NRXN3: variants seen among roughly 807,000 people sequenced by gnomAD.
NRXN3 encodes the protein neurexin 3, also known as neurexin III.
In NRXN3, 32 loss-of-function variants were observed where a neutral mutation model predicts 137.6. That is an observed-to-expected ratio of 0.23 (90% CI 0.18 to 0.31). NRXN3 has a LOEUF of 0.31. Ranked by LOEUF, NRXN3 falls within the 10% of genes least tolerant of loss-of-function variation. The pLI, the probability that NRXN3 is intolerant of heterozygous loss-of-function variation, is 1.00. For missense variants in NRXN3, 1,574 were observed against 2,062.5 expected, an observed-to-expected ratio of 0.76 and a Z score of 4.59; for synonymous variants, 798 against 784.5, an observed-to-expected ratio of 1.02 and a Z score of -0.29.
intron 16 of NRXN3, among the ~76,000 whole-genome samples, chr14:79,563,425 T>C (rs1412895351): frequency 6.6e-6 from 1 of 152,068 alleles, no homozygotes; most frequent in Non-Finnish European, 1.5e-5. Context: ...CTTTTATGGG[T>C]ATCAGTTTTA....
intron 15 of NRXN3, among the ~76,000 whole-genome samples, chr14:79,051,015 C>T (rs1382994602): frequency 6.6e-6 from 1 of 152,124 alleles, no homozygotes; most frequent in Non-Finnish European, 1.5e-5. Context: ...TCACAATATC[C>T]TATGAGGGGA....
At chr14:78,368,503 C>A (rs904965787) in intron 4 of NRXN3, among the ~76,000 whole-genome samples, 5 of 152,114 alleles carry the variant, frequency 3.3e-5, no homozygotes, top group Non-Finnish European at 7.3e-5. Flanking sequence ...AACAGCCTGG[C>A]CAACATGGTG....
chr14:79,343,400 A>C (rs751349911), intron 15 of NRXN3, among the ~76,000 whole-genome samples: 11 of 152,208 alleles, frequency 7.2e-5, no homozygotes, highest in Non-Finnish European at 1.5e-4. Flanking sequence ...GGTTAGAAGC[A>C]AGATGGAGTC....
chr14:79,379,525 A>T (rs921801090), intron 15 of NRXN3, among the ~76,000 whole-genome samples: 5 of 151,832 alleles, frequency 3.3e-5, no homozygotes, highest in African/African-American at 9.7e-5. Context: ...GCAAGTGGAC[A>T]CTCTCGCTTG....
intron 4 of NRXN3, among the ~76,000 whole-genome samples, chr14:78,555,706 C>T (rs1429121568): frequency 1.3e-5 from 2 of 152,120 alleles, no homozygotes; most frequent in African/African-American, 4.8e-5. Context: ...TAGATGTAGG[C>T]ATGGAGCTAA....
At chr14:78,905,447 C>G (rs141841551) in intron 10 of NRXN3, among the ~76,000 whole-genome samples, 101 of 152,108 alleles carry the variant, frequency 6.6e-4, no homozygotes, top group African/African-American at 2.4e-3. Flanking sequence ...TTTCTCAGCA[C>G]CTGATATCAT....
chr14:79,476,554 C>T (rs1336554080), intron 16 of NRXN3, among the ~76,000 whole-genome samples: 1 of 152,080 alleles, frequency 6.6e-6, no homozygotes, highest in African/African-American at 2.4e-5. Flanking sequence ...ATTTTTCCTC[C>T]TCCATTTCTG....
chr14:79,527,996 G>T lies in NRXN3; in HGVS notation c.3444+60594G>T, dbSNP rs752163433. On this transcript the variant is annotated intron_variant, in intron 16 of 20. Coordinates refer to ENST00000335750, the MANE Select transcript of NRXN3 (RefSeq NM_001330195.2). The stretch of plus-strand genomic sequence containing the variant: ...GCATTTATTTCTATATCTTGCTGAT[G>T]GGGTTGATGGGGTTAGCAATTGCTA... 6.8e-4 allele frequency among the ~76,000 whole-genome samples: 103 copies of T among 152,222 alleles called. 1 individual carries two copies. The highest frequency in any genetic ancestry group is 1.2e-3 in the South Asian group (6 of 4,822).
At chr14:79,534,308 A>G (rs996186211) in intron 16 of NRXN3, among the ~76,000 whole-genome samples, 4 of 152,162 alleles carry the variant, frequency 2.6e-5, no homozygotes, top group African/African-American at 9.7e-5. Context: ...TTTTTGTATA[A>G]AGAGCTATCT....
intron 15 of NRXN3, among the ~76,000 whole-genome samples, chr14:79,061,495 G>C (rs758646152): frequency 6.6e-5 from 10 of 152,170 alleles, no homozygotes; most frequent in Non-Finnish European, 1.3e-4. Context: ...ATGTGATAAG[G>C]GTGTGTAGTG....
At chr14:79,806,330 T>G (rs4489938) in intron 20 of NRXN3, among the ~76,000 whole-genome samples, 15,746 of 152,170 alleles carry the variant, frequency 0.1, 1,123 homozygotes, top group African/African-American at 0.19. Context: ...TTTACAAGAT[T>G]TCAAATCTGT....
At position 79,818,560 on chromosome 14, in the gene NRXN3, AAAC is replaced by A. The variant is rs529919003; in HGVS notation, c.4093+13385_4093+13387del. On this transcript the variant is annotated intron_variant, in intron 20 of 20. Transcript: ENST00000335750. ...GGTGTTACAGCTAAAAGAAAGCAAA[AAAC>A]AACAACAACAACAAAACGAACTTGT... Among the ~76,000 whole-genome samples the A allele has an allele frequency of 3.4e-3, 520 of 152,088 alleles. 2 individuals are homozygous for A. Among genetic ancestry groups the A allele is most frequent in the African/African-American group, 0.012 (493 of 41,360 alleles).
At chr14:79,168,704 G>T (rs535004304) in intron 15 of NRXN3, among the ~76,000 whole-genome samples, 12 of 152,080 alleles carry the variant, frequency 7.9e-5, no homozygotes, top group Non-Finnish European at 1.6e-4. Flanking sequence ...CTTGAAGCCT[G>T]TGATGACTTT....
intron 15 of NRXN3, among the ~76,000 whole-genome samples, chr14:79,389,438 CT>C (rs1435375496): frequency 6.6e-6 from 1 of 152,196 alleles, no homozygotes; most frequent in East Asian, 1.9e-4. Context: ...CCCTTGTGAC[CT>C]AGTCACCACT....
intron 3 of NRXN3, among the ~76,000 whole-genome samples, chr14:78,279,227 T>G (rs527768330): frequency 6.6e-6 from 1 of 152,374 alleles, no homozygotes; most frequent in African/African-American, 2.4e-5. Context: ...ATAAATGGTT[T>G]TTGTCAATGG....
rs150898418 is a variant in NRXN3, at chr14:79,837,763, G to A, written c.4094-23579G>A. ...TTCTAAACCAAATAAATAAATCTTC[G>A]AGACTGCAGGTTAATCAAATGCCTT... is the stretch of plus-strand genomic sequence containing the variant. On this transcript the variant is annotated intron_variant, in intron 20 of 20. Coordinates refer to ENST00000335750, the MANE Select transcript of NRXN3 (RefSeq NM_001330195.2). Among the ~76,000 whole-genome samples the A allele has an allele frequency of 5.3e-5, 8 of 152,154 alleles. No homozygotes were observed. The East Asian group carries it at 5.8e-4, about 11-fold the overall frequency.
At chr14:78,943,070 A>G (rs903221389) in intron 10 of NRXN3, among the ~76,000 whole-genome samples, 3 of 152,164 alleles carry the variant, frequency 2.0e-5, no homozygotes, top group African/African-American at 7.2e-5. Context: ...ATCAAAAATT[A>G]AATTGGAGTT....
intron 19 of NRXN3, among the ~76,000 whole-genome samples, chr14:79,763,483 G>T (rs1247585515): frequency 9.6e-6 from 1 of 104,484 alleles, no homozygotes; most frequent in Non-Finnish European, 2.1e-5. Flanking sequence ...ACTGACTAAT[G>T]CCATTCATGA....
intron 10 of NRXN3, among the ~76,000 whole-genome samples, chr14:78,898,122 G>C (rs2099183712): frequency 6.6e-6 from 1 of 151,710 alleles, no homozygotes; most frequent in African/African-American, 2.4e-5. Context: ...AATAAATCTA[G>C]TAATAATAGC....
Sources: allele counts gnomAD v4.1 joint callset (sites outside exome capture counted in the v4.1 genomes callset), GRCh38; gene constraint gnomAD v4.1.1; transcripts MANE v1.5; gene names NCBI Gene and HGNC (gene_info 2026-07-23, HGNC 2026-07-21).